LUZP2: variants seen among roughly 807,000 people sequenced by gnomAD.
LUZP2 encodes leucine zipper protein 2.
Under a neutral mutation model 51.6 loss-of-function variants are expected in LUZP2, and 52 were observed. The observed-to-expected ratio is 1.01, with a 90% CI of 0.81 to 1.27. LUZP2 has a LOEUF of 1.27. Ranked by LOEUF, LUZP2 falls within the 50% of genes most tolerant of loss-of-function variation. The pLI is 0.00. For synonymous variants in LUZP2, 154 were observed against 137.3 expected, an observed-to-expected ratio of 1.12 and a Z score of -0.85; for missense variants, 436 against 395.4, an observed-to-expected ratio of 1.10 and a Z score of -0.87.
intron 9 of LUZP2, among the ~76,000 whole-genome samples, chr11:25,024,867 G>C (rs76728205): frequency 0.46 from 65,856 of 142,880 alleles, 15,919 homozygotes; most frequent in Non-Finnish European, 0.5. Flanking sequence ...AACAAAGCTG[G>C]AGGCATCACG....
chr11:24,804,044 C>A (rs1849778970), intron 5 of LUZP2, among the ~76,000 whole-genome samples: 2 of 147,946 alleles, frequency 1.4e-5, no homozygotes, highest in South Asian at 2.2e-4. Context: ...TTGCTCCTAA[C>A]ACTTCTGAAA....
chr11:24,866,322 C>T (rs1194400773), intron 5 of LUZP2, among the ~76,000 whole-genome samples: 1 of 152,082 alleles, frequency 6.6e-6, no homozygotes. Context: ...ATCTCATGGG[C>T]ATAATTTTCT....
At chr11:24,984,545 T>TAA (rs1418875951) in intron 9 of LUZP2, among the ~76,000 whole-genome samples, 1 of 104,924 alleles carries the variant, frequency 9.5e-6, no homozygotes, top group African/African-American at 4.0e-5. Context: ...TATATATATA[T>TAA]ATATAATTGT....
chr11:24,540,212 C>T (rs1462062769), intron 1 of LUZP2, among the ~76,000 whole-genome samples: 7 of 152,014 alleles, frequency 4.6e-5, no homozygotes, highest in African/African-American at 7.2e-5. Flanking sequence ...TTTACAATTA[C>T]GACTCTTCAA....
At chr11:24,831,956 C>A (rs1008216796) in intron 5 of LUZP2, 3 of 152,360 alleles carry the variant, frequency 2.0e-5, no homozygotes, top group Non-Finnish European at 2.9e-5. Context: ...TCCATGAGGA[C>A]CATGTCAATA....
intron 5 of LUZP2, among the ~76,000 whole-genome samples, chr11:24,904,229 T>A (rs1853369140): frequency 6.6e-6 from 1 of 152,174 alleles, no homozygotes; most frequent in South Asian, 2.1e-4. Flanking sequence ...TTAACATTTT[T>A]AGTATATCTA....
intron 2 of LUZP2, among the ~76,000 whole-genome samples, chr11:24,731,842 T>G (rs771748269): frequency 1.6e-4 from 25 of 151,772 alleles, no homozygotes; most frequent in Admixed American, 7.9e-4. Context: ...GATATGTTTT[T>G]TATTCACTTT....
chr11:24,727,939 ATATTTCTGCAGAATGAC>A (rs1379160588), intron 1 of LUZP2, among the ~76,000 whole-genome samples: 2 of 152,006 alleles, frequency 1.3e-5, no homozygotes, highest in African/African-American at 4.8e-5. Context: ...TAGTTCCTTT[ATATTTCTGCAGAATGAC>A]TATAAATTCA....
intron 7 of LUZP2, among the ~76,000 whole-genome samples, chr11:24,951,942 C>T (rs1193707767): frequency 6.6e-6 from 1 of 151,614 alleles, no homozygotes; most frequent in East Asian, 1.9e-4. Flanking sequence ...GAATCATTAT[C>T]ACTATCACAA....
intron 1 of LUZP2, among the ~76,000 whole-genome samples, chr11:24,689,636 CTT>C (rs541851046): frequency 1.3e-5 from 2 of 152,160 alleles, no homozygotes; most frequent in African/African-American, 4.8e-5. Flanking sequence ...GGGGAGGACT[CTT>C]TTGTCTTGCT....
At position 24,803,319 on chromosome 11, in the gene LUZP2, T is replaced by A. The variant is rs2716466; in HGVS notation, c.396+40011T>A. Among the ~76,000 whole-genome samples the A allele has an allele frequency of 4.6e-5, 7 of 152,116 alleles. No homozygotes were observed. In the East Asian group the frequency reaches 1.4e-3, roughly 29 times the overall value. On this transcript the variant is annotated intron_variant, in intron 5 of 11. Transcript: ENST00000336930. The stretch of plus-strand genomic sequence containing the variant: ...CTATTATGAGATACTACTTCATACG[T>A]CTTAGCCATCCCTTAGGATGGCTAT...
At chr11:24,945,278 A>G (rs35694766) in intron 7 of LUZP2, among the ~76,000 whole-genome samples, 1 of 152,318 alleles carries the variant, frequency 6.6e-6, no homozygotes, top group Admixed American at 6.5e-5. Flanking sequence ...TCAGAAGCCC[A>G]CAATAAGATA....
intron 1 of LUZP2, among the ~76,000 whole-genome samples, chr11:24,587,139 A>C (rs1278757164): frequency 6.6e-6 from 1 of 152,128 alleles, no homozygotes; most frequent in Non-Finnish European, 1.5e-5. Flanking sequence ...GTACCTTGTA[A>C]TCCAATTAGC....
chr11:24,583,612 T>G (rs1488341503), intron 1 of LUZP2, among the ~76,000 whole-genome samples: 1 of 152,110 alleles, frequency 6.6e-6, no homozygotes, highest in African/African-American at 2.4e-5. Context: ...AGTAGACACT[T>G]TTCATCTTTC....
At chr11:24,633,387 G>A (rs1356890565) in intron 1 of LUZP2, among the ~76,000 whole-genome samples, 1 of 151,924 alleles carries the variant, frequency 6.6e-6, no homozygotes, top group Non-Finnish European at 1.5e-5. Context: ...CACAAGTTAG[G>A]CCATTGAAAC....
At chr11:25,043,991 C>T (rs1037665892) in intron 9 of LUZP2, among the ~76,000 whole-genome samples, 3 of 1,562 alleles carry the variant, frequency 1.9e-3, no homozygotes, top group Non-Finnish European at 4.0e-3. Flanking sequence ...ATATAGTCTA[C>T]ATATATCTGA....
At chr11:24,534,332 A>G (rs1442449255) in intron 1 of LUZP2, among the ~76,000 whole-genome samples, 1 of 151,160 alleles carries the variant, frequency 6.6e-6, no homozygotes, top group Non-Finnish European at 1.5e-5. Flanking sequence ...ATTTCCATAT[A>G]GAGAGAGAGC....
intron 1 of LUZP2, among the ~76,000 whole-genome samples, chr11:24,502,248 A>G (rs2133752392): frequency 7.1e-6 from 1 of 141,636 alleles, no homozygotes; most frequent in South Asian, 2.1e-4. Context: ...GATACAAATC[A>G]ATTAGGTGAC....
chr11:24,571,292 G>A (rs987375443), intron 1 of LUZP2, among the ~76,000 whole-genome samples: 3 of 70,058 alleles, frequency 4.3e-5, no homozygotes, highest in Non-Finnish European at 9.1e-5. Flanking sequence ...TGTGGAAGAT[G>A]TTGCTAAAAG....
Sources: gnomAD v4.1 joint callset for allele counts (sites outside exome capture counted in the v4.1 genomes callset) on GRCh38, gnomAD v4.1.1 for gene constraint, MANE v1.5 for transcripts, NCBI Gene and HGNC (gene_info 2026-07-23, HGNC 2026-07-21) for gene names.